The following ZDHHC14 variants were observed in gnomAD, a reference collection of about 807,000 sequenced individuals.
ZDHHC14 encodes zDHHC palmitoyltransferase 14.
Under a neutral mutation model 47.7 loss-of-function variants are expected in ZDHHC14, and 16 were observed. The observed-to-expected ratio is 0.34, with a 90% CI of 0.23 to 0.51. The LOEUF is 0.51. ZDHHC14 is among the 20% of genes least tolerant of loss of function. The pLI is 0.97. For missense variants in ZDHHC14, 515 were observed against 662.5 expected, an observed-to-expected ratio of 0.78 and a Z score of 2.44; for synonymous variants, 293 against 278.9, an observed-to-expected ratio of 1.05 and a Z score of -0.50.
chr6:157,591,845 G>A (rs1170757174), intron 2 of ZDHHC14, among the ~76,000 whole-genome samples: 1 of 152,196 alleles, frequency 6.6e-6, no homozygotes, highest in Non-Finnish European at 1.5e-5. Context: ...GAATTAAAAT[G>A]AACAGTTATC....
At chr6:157,428,637 G>A (rs897241317) in intron 1 of ZDHHC14, among the ~76,000 whole-genome samples, 229 of 49,034 alleles carry the variant, frequency 4.7e-3, no homozygotes, top group African/African-American at 0.017. Context: ...GCCCCACCCC[G>A]CCCCTAGCCC....
intron 1 of ZDHHC14, among the ~76,000 whole-genome samples, chr6:157,437,716 A>G (rs1018790606): frequency 1.3e-5 from 2 of 152,240 alleles, no homozygotes; most frequent in Admixed American, 1.3e-4. Flanking sequence ...CTTCTCTGCA[A>G]CAGTGTTAGT....
intron 1 of ZDHHC14, among the ~76,000 whole-genome samples, chr6:157,387,948 T>C (rs1455324970): frequency 6.6e-6 from 1 of 152,244 alleles, no homozygotes; most frequent in Non-Finnish European, 1.5e-5. Flanking sequence ...TAGAACACAT[T>C]TGCCTCAGAA....
At chr6:157,563,627 A>G (rs1398399390) in intron 2 of ZDHHC14, among the ~76,000 whole-genome samples, 1 of 152,142 alleles carries the variant, frequency 6.6e-6, no homozygotes, top group East Asian at 1.9e-4. Flanking sequence ...TAGGATGTAA[A>G]AAAGATTGGA....
intron 1 of ZDHHC14, among the ~76,000 whole-genome samples, chr6:157,515,869 A>T (rs544436016): frequency 6.6e-6 from 1 of 152,286 alleles, no homozygotes; most frequent in African/African-American, 2.4e-5. Flanking sequence ...TTTTTAAGTA[A>T]ACATTTGTAT....
chr6:157,579,192 T>G (rs866687753), intron 2 of ZDHHC14, among the ~76,000 whole-genome samples: 3 of 102,636 alleles, frequency 2.9e-5, no homozygotes, highest in Non-Finnish European at 4.0e-5. Context: ...GATTCTGTGT[T>G]TTTTTTTTTT....
chr6:157,433,974 T>C (rs942616176), intron 1 of ZDHHC14, among the ~76,000 whole-genome samples: 1 of 152,138 alleles, frequency 6.6e-6, no homozygotes, highest in Non-Finnish European at 1.5e-5. Context: ...ATTGTACCAG[T>C]ATGTGACTTA....
intron 1 of ZDHHC14, among the ~76,000 whole-genome samples, chr6:157,441,564 C>T (rs1037169131): frequency 6.6e-6 from 1 of 152,216 alleles, no homozygotes; most frequent in African/African-American, 2.4e-5. Flanking sequence ...TCTGGCCAGG[C>T]ACGGTGGCTC....
At chr6:157,645,621 G>C in intron 5 of ZDHHC14, 116 bp from the exon 6 acceptor site, 1 of 741,514 alleles carries the variant, frequency 1.3e-6, no homozygotes, top group Non-Finnish European at 2.2e-6. Context: ...CCGGGTGAGA[G>C]AGAGGCCAGC....
At chr6:157,614,238 A>G (rs1784868280) in intron 3 of ZDHHC14, among the ~76,000 whole-genome samples, 1 of 152,178 alleles carries the variant, frequency 6.6e-6, no homozygotes, top group African/African-American at 2.4e-5. Context: ...GTGGTGTTTC[A>G]TAAGGGAGCA....
chr6:157,434,841 G>A (rs1374679811), intron 1 of ZDHHC14, among the ~76,000 whole-genome samples: 1 of 152,180 alleles, frequency 6.6e-6, no homozygotes, highest in African/African-American at 2.4e-5. Context: ...CCATGACGGA[G>A]AGAATCCTGG....
At chr6:157,651,192 A>G (rs1171742693) in intron 7 of ZDHHC14, among the ~76,000 whole-genome samples, 1 of 152,170 alleles carries the variant, frequency 6.6e-6, no homozygotes, top group African/African-American at 2.4e-5. Context: ...CGAAGCCTTA[A>G]ATCAAGGTGC....
chr6:157,447,545 A>T lies in ZDHHC14; in HGVS notation c.245+65279A>T, dbSNP rs553972542. On this transcript the variant is annotated intron_variant, in intron 1 of 8. Coordinates refer to ENST00000359775, the MANE Select transcript of ZDHHC14 (RefSeq NM_024630.3). ...TGGGGCGATTAGTGCTTGGACAGGC[A>T]GGCTGGGCTGTCCCCTCCAAGTGAC... 1.8e-3 allele frequency among the ~76,000 whole-genome samples: 277 copies of T among 152,308 alleles called. 1 individual carries two copies. Among genetic ancestry groups the T allele is most frequent in the South Asian group, 5.0e-3 (24 of 4,818 alleles).
chr6:157,411,171 G>A (rs992604564), intron 1 of ZDHHC14, among the ~76,000 whole-genome samples: 2 of 152,172 alleles, frequency 1.3e-5, no homozygotes, highest in Non-Finnish European at 2.9e-5. Flanking sequence ...GGTGGTAGGG[G>A]TAGTGATGAA....
At position 157,672,949 on chromosome 6, in the gene ZDHHC14, G is replaced by T; in HGVS notation, c.1294G>T (p.Glu432Ter). 1 of 1,601,164 alleles carries T rather than the reference G, an allele frequency of 6.2e-7. No homozygotes were observed. ...CGCGGACGTGATGCCCCGGAAAGAT[G>T]AGCACATGGGCCACCAGTTCCTGAC... ...TLADVMPRKD[E>*]HMGHQFLTPD... Residue 432 changes from glutamate to a stop codon, truncating the protein, a stop_gained, in exon 9 of 9, where the codon GAG becomes TAG. Coordinates refer to ENST00000359775, the MANE Select transcript of ZDHHC14 (RefSeq NM_024630.3). LOFTEE classifies it high-confidence loss of function.
At chr6:157,620,053 A>G (rs754994334) in intron 3 of ZDHHC14, among the ~76,000 whole-genome samples, 16 of 152,356 alleles carry the variant, frequency 1.1e-4, no homozygotes, top group East Asian at 3.9e-4. Context: ...CATACCTGAT[A>G]CATTGCTTTA....
chr6:157,522,946 C>T (rs369081816), intron 1 of ZDHHC14, among the ~76,000 whole-genome samples: 4,178 of 31,126 alleles, frequency 0.13, 565 homozygotes, highest in Middle Eastern at 0.17. Context: ...TCTTTCTTTC[C>T]TTCCTTCCTT....
At chr6:157,606,171 G>A (rs1784533273) in intron 3 of ZDHHC14, among the ~76,000 whole-genome samples, 2 of 152,120 alleles carry the variant, frequency 1.3e-5, no homozygotes, top group South Asian at 2.1e-4. Flanking sequence ...AGCCCCTTAA[G>A]ATCTGAGGAG....
rs1287610373 is a variant in ZDHHC14, at chr6:157,592,972, CTT to C, written c.407-15_407-14del. On this transcript the variant is annotated splice_polypyrimidine_tract_variant and intron_variant, in intron 2 of 8. Transcript: ENST00000359775. ...GGCTCTGAAGGTGTGCGCTCTTTCT[CTT>C]CTTTTCTCCACAGATATCGCAAACG... is the stretch of plus-strand genomic sequence containing the variant. 1.2e-6 allele frequency: 2 copies of C among 1,605,620 alleles called. No individual in the cohort carries two copies.
Sources: allele counts gnomAD v4.1 joint callset (sites outside exome capture counted in the v4.1 genomes callset), GRCh38; gene constraint gnomAD v4.1.1; transcripts MANE v1.5; gene names NCBI Gene and HGNC (gene_info 2026-07-23, HGNC 2026-07-21).